The following FAT1 variants were observed in gnomAD, a reference collection of about 807,000 sequenced individuals.
FAT1 encodes the protein protocadherin Fat 1.
FAT1 carries 171 observed loss-of-function variants against 329.8 expected under a neutral mutation model. The observed-to-expected ratio is 0.52, with a 90% CI of 0.46 to 0.59. The LOEUF (loss-of-function observed/expected upper bound fraction) is 0.59, where lower values mean the gene tolerates loss of function less well. Ranked by LOEUF, FAT1 falls within the 20% of genes least tolerant of loss-of-function variation. The pLI is 0.00. For missense variants in FAT1, 5,672 were observed against 5,774.4 expected, an observed-to-expected ratio of 0.98 and a Z score of 0.57; for synonymous variants, 2,233 against 2,228.6, an observed-to-expected ratio of 1.00 and a Z score of -0.06.
intron 1 of FAT1, among the ~76,000 whole-genome samples, chr4:186,717,324 G>A (rs1422349602): frequency 1.3e-5 from 2 of 152,196 alleles, no homozygotes; most frequent in African/African-American, 2.4e-5. Context: ...AACGGAGGAA[G>A]CTGTGACCCT....
intron 1 of FAT1, among the ~76,000 whole-genome samples, chr4:186,712,451 C>T (rs1488286797): frequency 6.6e-6 from 1 of 152,106 alleles, no homozygotes; most frequent in African/African-American, 2.4e-5. Flanking sequence ...GTTTAATGAG[C>T]ATCTACTATG....
At chr4:186,610,694 T>A (rs1299002012) in intron 14 of FAT1, among the ~76,000 whole-genome samples, 3 of 65,242 alleles carry the variant, frequency 4.6e-5, no homozygotes, top group African/African-American at 9.4e-5. Context: ...AATTATATAA[T>A]TTATATAAAT....
chr4:186,707,001 C>T lies in FAT1; in HGVS notation c.2827G>A (p.Gly943Arg), dbSNP rs1370168519. 1 of 1,613,874 alleles carries T rather than the reference C, an allele frequency of 6.2e-7. No individual in the cohort carries two copies. The highest frequency in any genetic ancestry group is 8.5e-7 in the Non-Finnish European group (1 of 1,179,904). Reference sequence around the variant, plus strand: ...GCTTCTAACCACATGATGACGGTTCCTTCTGGAAGATCCTCTCGGACTTTC... The same window carrying T: ...GCTTCTAACCACATGATGACGGTTCTTTCTGGAAGATCCTCTCGGACTTTC... ...RVKVREDLPE[G>R]TVIMWLEAHD... Residue 943 changes from glycine to arginine, a missense_variant, in exon 2 of 27, where the codon GGA becomes AGA. Gly to Arg is a moderately radical substitution (Grantham distance 125, BLOSUM62 -2). Transcript: ENST00000441802.
In FAT1 at chr4:186,603,888, C is replaced by T. The variant is rs762712334; in HGVS notation, c.10638G>A (p.Leu3546=). The T allele has an allele frequency of 2.5e-6, 4 of 1,613,718 alleles. No individual in the cohort carries two copies. Among genetic ancestry groups the T allele is most frequent in the Non-Finnish European group, 3.4e-6 (4 of 1,179,814 alleles). The change falls in exon 19 of 27, where the codon TTG becomes TTA. Residue 3546 remains leucine, a synonymous_variant. Transcript: ENST00000441802. ...AAGAGGTGATGAAAATCTCCAGGGG[C>T]AAAATCGCAGGCGGATAGATGCTCT... is the stretch of plus-strand genomic sequence containing the variant. ...IEESIYPPAI[L]PLEIFITSSG...
chr4:186,658,361 T>A (rs956338544), intron 3 of FAT1, among the ~76,000 whole-genome samples: 13 of 152,164 alleles, frequency 8.5e-5, no homozygotes, highest in Admixed American at 8.5e-4. Context: ...ACTTGTGGTT[T>A]AGAACACAAA....
chr4:186,647,704 A>T (rs942295278), intron 3 of FAT1, among the ~76,000 whole-genome samples: 3 of 152,146 alleles, frequency 2.0e-5, no homozygotes, highest in Non-Finnish European at 4.4e-5. Context: ...TCACCCGATG[A>T]TGTCTCTGAA....
In FAT1 at chr4:186,683,143, A is replaced by G. The variant is rs1743302967; in HGVS notation, c.3266-19530T>C. ...CTCTGATTAAAAATTGTCTTCAAAT[A>G]GTTGGCTCTTCGTTCTTGTCATTCA... On this transcript the variant is annotated intron_variant, in intron 2 of 26. Coordinates refer to ENST00000441802, the MANE Select transcript of FAT1 (RefSeq NM_005245.4). 2.0e-5 allele frequency among the ~76,000 whole-genome samples: 3 copies of G among 152,190 alleles called. No individual in the cohort carries two copies. The South Asian group carries it at 6.2e-4, about 31-fold the overall frequency.
intron 2 of FAT1, among the ~76,000 whole-genome samples, chr4:186,701,033 G>A (rs192693903): frequency 3.9e-5 from 6 of 152,262 alleles, no homozygotes; most frequent in Non-Finnish European, 7.4e-5. Flanking sequence ...AACGTGGGAC[G>A]GCCCTGAGTC....
Position 186,621,248 on chromosome 4 carries a change from T to C in FAT1, c.5338A>G (p.Ile1780Val). Residue 1780 changes from isoleucine (I) to valine (V), a missense_variant, in exon 10 of 27, where the codon ATT becomes GTT. Around this residue, in one of 2 missense-constraint regions of FAT1, gnomAD observed 3,966 missense variants for 3,915.2 expected, o/e 1.01. Coordinates refer to ENST00000441802, the MANE Select transcript of FAT1 (RefSeq NM_005245.4). ...YTGLISESAS[I>V]NSVVLTDRNV... is the part of the protein sequence containing the mutation. ...CTGTCTGTTAGGACCACGCTGTTAATTGAGGCTGATTCACTAATGAGTCCT... is the reference window on the plus strand; with the variant it reads ...CTGTCTGTTAGGACCACGCTGTTAACTGAGGCTGATTCACTAATGAGTCCT... 1.2e-6 allele frequency: 2 copies of C among 1,614,048 alleles called. No individual in the cohort carries two copies. Among genetic ancestry groups the C allele is most frequent in the Non-Finnish European group, 1.7e-6 (2 of 1,179,884 alleles).
At position 186,611,101 on chromosome 4, in the gene FAT1, A is replaced by C. The variant is rs925383503; in HGVS notation, c.9853+285T>G. The stretch of plus-strand genomic sequence containing the variant: ...TATCTTTACTAACTTGCTATACCTT[A>C]CATCTCAACTAAACTAATAGAACAT... On this transcript the variant is annotated intron_variant, in intron 14 of 26. Transcript: ENST00000441802. 2.6e-5 allele frequency among the ~76,000 whole-genome samples: 4 copies of C among 152,212 alleles called. No individual in the cohort carries two copies. In the East Asian group the frequency reaches 7.7e-4, roughly 29 times the overall value.
rs1300518772 is a variant in FAT1 at position 186,596,880 on chromosome 4, G to A, written c.12660C>T (p.His4220=). ...KKHQAEPKDK[H]LGPATAFLQR... is the part of the protein sequence containing the mutation. ...GCAAGAAAGCCGTAGCGGGTCCCAGGTGCTTGTCTTTAGGTTCAGCCTGAT... is the reference window on the plus strand; with the variant it reads ...GCAAGAAAGCCGTAGCGGGTCCCAGATGCTTGTCTTTAGGTTCAGCCTGAT... The change falls in exon 25 of 27, where the codon CAC becomes CAT. Residue 4220 remains histidine (H), a synonymous_variant. Transcript: ENST00000441802. The surrounding 1 kb of genome is among the most constrained non-coding windows in gnomAD (Gnocchi z 4.7). The A allele has an allele frequency of 1.9e-6, 3 of 1,613,862 alleles. No individual in the cohort carries two copies. Among genetic ancestry groups the A allele is most frequent in the East Asian group, 4.5e-5 (2 of 44,892 alleles).
intron 2 of FAT1, 34 bp downstream of exon 2, chr4:186,706,529 G>T (rs1356418125): frequency 6.5e-7 from 1 of 1,534,732 alleles, no homozygotes; most frequent in Admixed American, 2.2e-5. Context: ...AAATGGAAAA[G>T]GGCATCAAAT....
rs116784674 is a variant in FAT1 at position 186,618,886 on chromosome 4, C to T, written c.7700G>A (p.Arg2567His). ...ETPAEKVISV[R>H]LMAKDAGGKV... ...TCCTCCAGCATCCTTAGCCATTAAA[C>T]GGACTGAGATCACTTTCTCCGCCGG... is the stretch of plus-strand genomic sequence containing the variant. The change falls in exon 10 of 27, where the codon CGT (arginine) becomes CAT (histidine). Residue 2567 changes from arginine (R) to histidine (H), a missense_variant. Transcript: ENST00000441802. The T allele has an allele frequency of 0.012, 19,888 of 1,613,988 alleles. 154 individuals carry two copies. The highest frequency in any genetic ancestry group is 0.015 in the Non-Finnish European group (17,966 of 1,179,876).
chr4:186,635,484 A>G (rs1740781034), intron 6 of FAT1, among the ~76,000 whole-genome samples: 1 of 152,210 alleles, frequency 6.6e-6, no homozygotes, highest in Non-Finnish European at 1.5e-5. Flanking sequence ...CCTGTTGAAA[A>G]TGAGGTAATA....
chr4:186,628,033 A>T, intron 9 of FAT1, 121 bp downstream of exon 9: 2 of 1,075,898 alleles, frequency 1.9e-6, no homozygotes, highest in Non-Finnish European at 2.7e-6. Flanking sequence ...TCTAGAGATC[A>T]ATTTAAGCCA....
rs750903093 is a variant in FAT1 at position 186,611,638 on chromosome 4, C to T, written c.9601G>A (p.Ala3201Thr). The T allele has an allele frequency of 8.1e-6, 13 of 1,613,296 alleles. No individual in the cohort carries two copies. Among genetic ancestry groups the T allele is most frequent in the Non-Finnish European group, 1.1e-5 (13 of 1,179,626 alleles). Residue 3201 changes from alanine (A) to threonine (T), a missense_variant, in exon 14 of 27, where the codon GCT (alanine) becomes ACT (threonine). Transcript: ENST00000441802. The part of the protein sequence containing the change: ...LQAVYTLSLK[A>T]VDQGLPRRLT... ...CTCCTTGGCAAGCCTTGATCCACAG[C>T]TTTCAAAGAGAGGGTGTATACTGCC...
At chr4:186,724,866 T>C (rs1745663340), upstream of FAT1, among the ~76,000 whole-genome samples, 1 of 152,114 alleles carries the variant, frequency 6.6e-6, no homozygotes, top group South Asian at 2.1e-4. The surrounding 1 kb of genome is among the most constrained non-coding windows in gnomAD (Gnocchi z 5.3). Context: ...CCGATTTCCC[T>C]GGGACTGGTG....
chr4:186,694,833 G>C (rs1032857192), intron 2 of FAT1, among the ~76,000 whole-genome samples: 4 of 152,152 alleles, frequency 2.6e-5, no homozygotes, highest in African/African-American at 9.7e-5. Flanking sequence ...ATGATGGCGG[G>C]TGCCTGTAAT....
intron 3 of FAT1, among the ~76,000 whole-genome samples, chr4:186,642,918 C>T (rs1376179364): frequency 6.6e-6 from 1 of 152,126 alleles, no homozygotes; most frequent in South Asian, 2.1e-4. Context: ...TTAAGGAGGA[C>T]GTACTTTGGA....
Sources: gnomAD v4.1 joint callset for allele counts (sites outside exome capture counted in the v4.1 genomes callset) on GRCh38, gnomAD v4.1.1 for gene constraint, gnomAD v4.1.1 regional missense constraint, Gnocchi (gnomAD v3.1) non-coding constraint, MANE v1.5 for transcripts, NCBI Gene and HGNC (gene_info 2026-07-23, HGNC 2026-07-21) for gene names.